ORC2: variants seen among roughly 807,000 people sequenced by gnomAD.
ORC2 encodes the protein origin recognition complex protein 2 homolog.
A neutral mutation model predicts 77.7 loss-of-function variants in ORC2; 37 were observed. The observed-to-expected ratio is 0.48, with a 90% CI of 0.37 to 0.63. The LOEUF (loss-of-function observed/expected upper bound fraction) is 0.63. ORC2 is among the 20% of genes least tolerant of loss of function. The pLI is 0.00. For missense variants in ORC2, 557 were observed against 661.9 expected (o/e 0.84, Z 1.74); for synonymous variants, 201 against 229.5 (o/e 0.88, Z 1.12).
At chr2:200,921,751 T>C (rs6716122) in intron 13 of ORC2, 49,373 of 151,986 alleles carry the variant, frequency 0.32, 10,824 homozygotes, top group African/African-American at 0.62. Context: ...ATCCTTCCAC[T>C]TCAGCCTCCC....
intron 17 of ORC2, 41 bp downstream of exon 17, chr2:200,913,254 G>A (rs977473503): frequency 1.4e-6 from 2 of 1,425,726 alleles, no homozygotes; most frequent in African/African-American, 2.9e-5. Flanking sequence ...AAATGATACG[G>A]ACTATTCCTG....
At chr2:200,958,908 A>C (rs1022929615) in intron 2 of ORC2, among the ~76,000 whole-genome samples, 3 of 152,178 alleles carry the variant, frequency 2.0e-5, no homozygotes, top group Non-Finnish European at 4.4e-5. Flanking sequence ...TTACCCAAAA[A>C]ATGTAAACTA....
At chr2:200,937,703 A>T (rs1462403033) in intron 8 of ORC2, among the ~76,000 whole-genome samples, 1 of 152,232 alleles carries the variant, frequency 6.6e-6, no homozygotes, top group Non-Finnish European at 1.5e-5. Flanking sequence ...ATTAAAAGGC[A>T]TGTTATTTCA....
chr2:200,912,553 C>T (rs1385312901), intron 17 of ORC2, among the ~76,000 whole-genome samples: 1 of 152,074 alleles, frequency 6.6e-6, no homozygotes, highest in Admixed American at 6.5e-5. Flanking sequence ...GCAGCTGGGA[C>T]TACAGGTACA....
rs1384085665 is a variant in ORC2 at position 200,914,864 on chromosome 2, G to T, written c.1467-872C>A. Among the ~76,000 whole-genome samples, 3 of 152,062 alleles carry T rather than the reference G, an allele frequency of 2.0e-5. No homozygotes were observed. The East Asian group carries it at 5.8e-4, about 29-fold the overall frequency. On this transcript the variant is annotated intron_variant, in intron 15 of 17. Transcript: ENST00000234296. The stretch of plus-strand genomic sequence containing the variant: ...TCAATCCCATATCCATTAACACTTG[G>T]TGTTGAGATCATACTGGGTATGCTG...
intron 4 of ORC2, among the ~76,000 whole-genome samples, chr2:200,954,176 GCAC>G: frequency 6.6e-6 from 1 of 152,100 alleles, no homozygotes; most frequent in Middle Eastern, 3.4e-3. Flanking sequence ...GAGATTACAG[GCAC>G]CCACCACCAC....
rs142059201 is a variant in ORC2 at position 200,949,366 on chromosome 2, A to C, written c.328+188T>G. 2.6e-3 allele frequency among the ~76,000 whole-genome samples: 397 copies of C among 152,328 alleles called. 1 individual carries two copies. Among genetic ancestry groups the C allele is most frequent in the African/African-American group, 9.0e-3 (375 of 41,582 alleles). On this transcript the variant is annotated intron_variant, in intron 5 of 17. Coordinates refer to ENST00000234296, the MANE Select transcript of ORC2 (RefSeq NM_006190.5). Reference sequence around the variant, plus strand: ...ACAGAAGACATCTGAGCATGAAAAAAACAAATGAACTTAATTGTGCTTAAT... The same window carrying C: ...ACAGAAGACATCTGAGCATGAAAAACACAAATGAACTTAATTGTGCTTAAT...
At chr2:200,960,209 C>T (rs1389466668) in intron 1 of ORC2, among the ~76,000 whole-genome samples, 1 of 152,006 alleles carries the variant, frequency 6.6e-6, no homozygotes, top group African/African-American at 2.4e-5. Flanking sequence ...AACCTTTGGG[C>T]TCAAGCGATC....
chr2:200,941,336 G>A lies in ORC2; in HGVS notation c.422-57C>T. 14 of 1,507,716 alleles carry A rather than the reference G, an allele frequency of 9.3e-6. 1 individual carries two copies. In the Admixed American group the frequency reaches 2.1e-4, roughly 22 times the overall value. 93.4% of individuals were successfully genotyped at this position (1,507,716 alleles called of 1,614,324 possible). A position where few individuals can be genotyped will look rare whatever the true frequency, so the allele number is the denominator to read the frequency against. The stretch of plus-strand genomic sequence containing the variant: ...TACGGACACTTCACTTTTCATTGTG[G>A]TCTAGTTTCATTAAAAGTAAAGTTT... On this transcript the variant is annotated intron_variant, in intron 6 of 17. Transcript: ENST00000234296.
chr2:200,940,528 G>A (rs373610710), intron 7 of ORC2, among the ~76,000 whole-genome samples: 2 of 151,994 alleles, frequency 1.3e-5, no homozygotes, highest in Non-Finnish European at 2.9e-5. Context: ...GAGGCCAGGC[G>A]TGGTGGCTCA....
In ORC2 at chr2:200,948,905, T is replaced by C. The variant is rs974088487; in HGVS notation, c.328+649A>G. On this transcript the variant is annotated intron_variant, in intron 5 of 17. Coordinates refer to ENST00000234296, the MANE Select transcript of ORC2 (RefSeq NM_006190.5). ...TTTATTAATCAATTCAGAATATCTC[T>C]ATGTGATTCTCACTTGTTACTTCAA... is the stretch of plus-strand genomic sequence containing the variant. 5.9e-5 allele frequency among the ~76,000 whole-genome samples: 9 copies of C among 152,174 alleles called. No homozygotes were observed. The East Asian group carries it at 9.7e-4, about 16-fold the overall frequency.
At chr2:200,954,770 A>G (rs182330557) in intron 4 of ORC2, among the ~76,000 whole-genome samples, 255 of 152,254 alleles carry the variant, frequency 1.7e-3, no homozygotes, top group Non-Finnish European at 3.0e-3. Context: ...TAGGGTGGGA[A>G]AAAGTGATTA....
At chr2:200,958,862 A>G (rs1376989714) in intron 2 of ORC2, among the ~76,000 whole-genome samples, 1 of 152,234 alleles carries the variant, frequency 6.6e-6, no homozygotes, top group Non-Finnish European at 1.5e-5. Context: ...CCTGAAAATA[A>G]CTAATGATGA....
chr2:200,944,109 A>G (rs890705559), intron 5 of ORC2, among the ~76,000 whole-genome samples: 1 of 152,216 alleles, frequency 6.6e-6, no homozygotes, highest in African/African-American at 2.4e-5. Context: ...TTAAATAACT[A>G]TTAAACTACA....
At chr2:200,953,410 T>C (rs960598667) in intron 4 of ORC2, among the ~76,000 whole-genome samples, 17 of 140,614 alleles carry the variant, frequency 1.2e-4, no homozygotes, top group Admixed American at 3.4e-4. Context: ...AAAGGGCTAC[T>C]GTTTTTTTTT....
chr2:200,917,818 C>A (rs779172873), intron 15 of ORC2, among the ~76,000 whole-genome samples: 1 of 151,604 alleles, frequency 6.6e-6, no homozygotes, highest in Non-Finnish European at 1.5e-5. Flanking sequence ...AATCTATAAT[C>A]ATCTCACAAC....
At chr2:200,963,046 T>A (rs1462713201) in intron 1 of ORC2, 2 of 157,900 alleles carry the variant, frequency 1.3e-5, no homozygotes, top group Non-Finnish European at 2.8e-5. Context: ...TTCCTCTTCA[T>A]ACCTCACAGG....
At position 200,920,338 on chromosome 2, in the gene ORC2, T is replaced by C; in HGVS notation, c.1350A>G (p.Thr450=). 1 of 1,612,490 alleles carries C rather than the reference T, an allele frequency of 6.2e-7. No homozygotes were observed. The highest frequency in any genetic ancestry group is 8.5e-7 in the Non-Finnish European group (1 of 1,178,906). The change falls in exon 15 of 18, where the codon ACA becomes ACG. Residue 450 remains threonine, a synonymous_variant. Transcript: ENST00000234296. ...LFNWLWYETT[T]YSPYTEETSY... ...AGGTTTCTTCAGTATAAGGACTGTA[T>C]GTAGTAGTTTCATACCAGAGCCAGT...
chr2:200,929,539 C>A (rs1231948103), intron 11 of ORC2, among the ~76,000 whole-genome samples: 1 of 152,036 alleles, frequency 6.6e-6, no homozygotes, highest in Non-Finnish European at 1.5e-5. Flanking sequence ...ACCTGTAATC[C>A]CAGCAGTTTT....
Sources: gnomAD v4.1 joint callset for allele counts (sites outside exome capture counted in the v4.1 genomes callset) on GRCh38, gnomAD v4.1.1 for gene constraint, MANE v1.5 for transcripts, NCBI Gene and HGNC (gene_info 2026-07-23, HGNC 2026-07-21) for gene names.